Variants in SPATA16 observed in about 807,000 individuals in gnomAD.
SPATA16 encodes the protein spermatogenesis-associated protein 16.
In SPATA16, 36 loss-of-function variants were observed where a neutral mutation model predicts 63.3. The observed-to-expected ratio is 0.57, with a 90% CI of 0.44 to 0.75. The LOEUF is 0.75. Ranked by LOEUF, SPATA16 falls within the 30% of genes least tolerant of loss-of-function variation. SPATA16 has a pLI of 0.00. For missense variants in SPATA16, 646 were observed against 679.3 expected (o/e 0.95, Z 0.54); for synonymous variants, 203 against 216.7 (o/e 0.94, Z 0.56).
At chr3:173,042,725 A>G (rs1200033004) in intron 3 of SPATA16, among the ~76,000 whole-genome samples, 3 of 152,158 alleles carry the variant, frequency 2.0e-5, no homozygotes, top group Admixed American at 1.3e-4. Flanking sequence ...AAAGCTAGTA[A>G]CTGATAAAGC....
At chr3:173,041,842 T>C (rs1436274415) in intron 3 of SPATA16, among the ~76,000 whole-genome samples, 1 of 152,096 alleles carries the variant, frequency 6.6e-6, no homozygotes, top group African/African-American at 2.4e-5. Flanking sequence ...TTAGGAGATA[T>C]ACCTAATGTT....
intron 2 of SPATA16, among the ~76,000 whole-genome samples, chr3:173,050,536 A>G (rs947176663): frequency 6.6e-6 from 1 of 152,038 alleles, no homozygotes; most frequent in Non-Finnish European, 1.5e-5. Flanking sequence ...TTTTAGCTCT[A>G]TATAAATACC....
chr3:173,113,998 G>A (rs1423768274), intron 2 of SPATA16, among the ~76,000 whole-genome samples: 2 of 152,036 alleles, frequency 1.3e-5, no homozygotes, highest in African/African-American at 4.8e-5. Flanking sequence ...TGGTCAATAC[G>A]GTGAAACCCT....
At chr3:172,943,576 C>T (rs989875530) in intron 6 of SPATA16, among the ~76,000 whole-genome samples, 2 of 152,098 alleles carry the variant, frequency 1.3e-5, no homozygotes, top group African/African-American at 4.8e-5. Flanking sequence ...CCCATCCCTA[C>T]TAAAAATACA....
chr3:173,018,021 G>A (rs1269485784), intron 4 of SPATA16, among the ~76,000 whole-genome samples: 1 of 152,158 alleles, frequency 6.6e-6, no homozygotes, highest in Admixed American at 6.5e-5. Context: ...TAATGTGTGA[G>A]TACCTTAGAT....
chr3:172,914,251 AG>A (rs1401329891), intron 9 of SPATA16, among the ~76,000 whole-genome samples: 4 of 152,002 alleles, frequency 2.6e-5, no homozygotes, highest in African/African-American at 9.7e-5. Flanking sequence ...AAAATAGCCA[AG>A]TTTTTTTTAT....
intron 10 of SPATA16, among the ~76,000 whole-genome samples, chr3:172,900,492 CT>C (rs1427337668): frequency 6.6e-6 from 1 of 152,096 alleles, no homozygotes; most frequent in African/African-American, 2.4e-5. Flanking sequence ...TCTTTGAGAA[CT>C]TTTTTCATCC....
chr3:173,112,959 C>T (rs991784351), intron 2 of SPATA16, among the ~76,000 whole-genome samples: 49 of 152,186 alleles, frequency 3.2e-4, no homozygotes, highest in African/African-American at 1.2e-3. Flanking sequence ...GTTTAAGTTG[C>T]ATGCTATGAA....
intron 4 of SPATA16, among the ~76,000 whole-genome samples, chr3:172,993,028 A>G (rs1734614375): frequency 6.6e-6 from 1 of 152,182 alleles, no homozygotes; most frequent in Non-Finnish European, 1.5e-5. Flanking sequence ...CTACGAGAGT[A>G]TCCAGACTAC....
At chr3:173,095,997 A>G (rs1169537256) in intron 2 of SPATA16, among the ~76,000 whole-genome samples, 1 of 152,130 alleles carries the variant, frequency 6.6e-6, no homozygotes, top group Non-Finnish European at 1.5e-5. Flanking sequence ...CTAAATTGCC[A>G]AAGGAACCCT....
chr3:173,084,833 T>C (rs1045698390), intron 2 of SPATA16, among the ~76,000 whole-genome samples: 5 of 152,184 alleles, frequency 3.3e-5, no homozygotes, highest in African/African-American at 1.2e-4. Flanking sequence ...GTTGTACATA[T>C]GTGATCTTAT....
chr3:172,922,897 G>A (rs1213871917), intron 8 of SPATA16, among the ~76,000 whole-genome samples: 1 of 152,202 alleles, frequency 6.6e-6, no homozygotes, highest in Admixed American at 6.6e-5. Context: ...ACTCCAACCC[G>A]GGTGACAGGG....
At chr3:172,947,795 GGAAGGA>G (rs1427639786) in intron 6 of SPATA16, among the ~76,000 whole-genome samples, 1 of 151,948 alleles carries the variant, frequency 6.6e-6, no homozygotes, top group Non-Finnish European at 1.5e-5. Flanking sequence ...AGGGGCAAGG[GGAAGGA>G]GAGCATTAGG....
intron 2 of SPATA16, among the ~76,000 whole-genome samples, chr3:173,073,175 C>T (rs2108308438): frequency 6.6e-6 from 1 of 152,268 alleles, no homozygotes; most frequent in Non-Finnish European, 1.5e-5. Flanking sequence ...CTGTTAAAAA[C>T]CTTCAGTTTT....
rs1354934744 is a variant in SPATA16 at position 173,046,889 on chromosome 3, T to G, written c.758+2060A>C. On this transcript the variant is annotated intron_variant, in intron 3 of 10. Transcript: ENST00000351008. ...TTTATTTCACTTGATGCATTATTAATTGTACAAATTGACTGTTTAACCTTT... is the reference window on the plus strand; with the variant it reads ...TTTATTTCACTTGATGCATTATTAAGTGTACAAATTGACTGTTTAACCTTT... 3.3e-5 allele frequency among the ~76,000 whole-genome samples: 5 copies of G among 152,052 alleles called. No individual in the cohort carries two copies. In the East Asian group the frequency reaches 9.6e-4, roughly 29 times the overall value.
intron 6 of SPATA16, among the ~76,000 whole-genome samples, chr3:172,943,064 A>G (rs1417594438): frequency 1.3e-5 from 2 of 152,168 alleles, no homozygotes; most frequent in Non-Finnish European, 2.9e-5. Context: ...TTTACTAAAA[A>G]CAAGGGAAGA....
At chr3:173,047,339 A>C (rs1329484795) in intron 3 of SPATA16, among the ~76,000 whole-genome samples, 1 of 151,976 alleles carries the variant, frequency 6.6e-6, no homozygotes, top group Non-Finnish European at 1.5e-5. Context: ...AAATTCATCA[A>C]AATAATCTGA....
intron 2 of SPATA16, among the ~76,000 whole-genome samples, chr3:173,081,592 G>T (rs1191205355): frequency 6.6e-6 from 1 of 152,168 alleles, no homozygotes; most frequent in Non-Finnish European, 1.5e-5. Flanking sequence ...TGAAACTCAT[G>T]CCTTAAAAAG....
intron 3 of SPATA16, 122 bp downstream of exon 3, chr3:173,048,827 G>T (rs1387843411): frequency 1.1e-5 from 14 of 1,279,338 alleles, no homozygotes; most frequent in Non-Finnish European, 1.3e-5. Context: ...AAAACAAGCA[G>T]TAAATAAATG....
Sources: allele counts gnomAD v4.1 joint callset (sites outside exome capture counted in the v4.1 genomes callset), GRCh38; gene constraint gnomAD v4.1.1; transcripts MANE v1.5; gene names NCBI Gene and HGNC (gene_info 2026-07-23, HGNC 2026-07-21).